Variants in PHACTR1 observed in about 807,000 individuals in gnomAD.
PHACTR1 encodes RPEL repeat containing 1.
Under a neutral mutation model 69.2 loss-of-function variants are expected in PHACTR1, and 16 were observed. The ratio of observed to expected loss-of-function variants is 0.23; its 90% CI spans 0.16 to 0.35. The LOEUF is 0.35. PHACTR1 is among the 10% of genes least tolerant of loss of function. PHACTR1 has a pLI of 1.00. For missense variants in PHACTR1, 510 were observed against 734.7 expected, an observed-to-expected ratio of 0.69 and a Z score of 3.54; for synonymous variants, 312 against 284.5, an observed-to-expected ratio of 1.10 and a Z score of -0.97.
intron 4 of PHACTR1, among the ~76,000 whole-genome samples, chr6:12,849,695 A>C (rs1480878890): frequency 6.6e-6 from 1 of 152,198 alleles, no homozygotes; most frequent in African/African-American, 2.4e-5. Context: ...GTCATAAACC[A>C]TCATCTGTGC....
At chr6:13,124,529 A>G (rs915097456) in intron 5 of PHACTR1, among the ~76,000 whole-genome samples, 1 of 152,172 alleles carries the variant, frequency 6.6e-6, no homozygotes, top group African/African-American at 2.4e-5. Flanking sequence ...GGCCACTAAG[A>G]CAGTTCAAAA....
chr6:13,194,401 CAAAAA>C (rs1297859837), intron 7 of PHACTR1, among the ~76,000 whole-genome samples: 4 of 99,688 alleles, frequency 4.0e-5, no homozygotes, highest in African/African-American at 1.4e-4. Context: ...GACTCCGTCT[CAAAAA>C]AAAAAAAAAA....
intron 4 of PHACTR1, among the ~76,000 whole-genome samples, chr6:12,842,099 T>A (rs1275761113): frequency 1.3e-5 from 2 of 152,074 alleles, no homozygotes; most frequent in Non-Finnish European, 2.9e-5. Flanking sequence ...ATAAAATAAA[T>A]AAAAATAAAT....
intron 4 of PHACTR1, among the ~76,000 whole-genome samples, chr6:12,887,362 GC>G (rs1428424740): frequency 3.9e-5 from 6 of 152,192 alleles, no homozygotes; most frequent in Admixed American, 3.9e-4. Flanking sequence ...GCAGCTTTCT[GC>G]TGAGTCCTTA....
chr6:12,758,389 C>G (rs1009873219), intron 4 of PHACTR1, among the ~76,000 whole-genome samples: 1 of 149,080 alleles, frequency 6.7e-6, no homozygotes, highest in African/African-American at 2.5e-5. Flanking sequence ...TGAGCAGAGA[C>G]CATGTGAGCA....
intron 10 of PHACTR1, among the ~76,000 whole-genome samples, chr6:13,258,871 T>C (rs1353957487): frequency 6.6e-6 from 1 of 152,248 alleles, no homozygotes; most frequent in Admixed American, 6.5e-5. Context: ...TGGTCTATAT[T>C]TGATGGCAGA....
At chr6:12,921,587 A>C (rs1423983548) in intron 4 of PHACTR1, among the ~76,000 whole-genome samples, 1 of 101,798 alleles carries the variant, frequency 9.8e-6, no homozygotes, top group Non-Finnish European at 1.9e-5. Context: ...AAGGAGAAGA[A>C]GGAAGGGAGG....
At chr6:13,081,134 A>G (rs1811310054) in intron 5 of PHACTR1, among the ~76,000 whole-genome samples, 1 of 152,206 alleles carries the variant, frequency 6.6e-6, no homozygotes, top group African/African-American at 2.4e-5. Context: ...CCAAAAGTTG[A>G]AAAATAAAAC....
chr6:12,825,316 C>CAAA (rs71552719), intron 4 of PHACTR1, among the ~76,000 whole-genome samples: 3 of 131,280 alleles, frequency 2.3e-5, no homozygotes, highest in African/African-American at 8.4e-5. Context: ...CTCTCTCTCT[C>CAAA]AAAAAAAAAA....
At chr6:13,122,948 AT>A (rs1583457415) in intron 5 of PHACTR1, among the ~76,000 whole-genome samples, 2 of 151,334 alleles carry the variant, frequency 1.3e-5, no homozygotes, top group Admixed American at 1.3e-4. Context: ...TGTTTCTTTC[AT>A]TTTGTTTAAT....
intron 4 of PHACTR1, among the ~76,000 whole-genome samples, chr6:12,960,633 C>T (rs1792592024): frequency 6.6e-6 from 1 of 152,172 alleles, no homozygotes; most frequent in Admixed American, 6.5e-5. Flanking sequence ...CCCTTGTCTC[C>T]GGACAGCCCC....
At chr6:13,145,287 A>G (rs1180015008) in intron 5 of PHACTR1, among the ~76,000 whole-genome samples, 1 of 152,366 alleles carries the variant, frequency 6.6e-6, no homozygotes, top group Non-Finnish European at 1.5e-5. Context: ...TCATATATGT[A>G]TACAAGAAGA....
intron 4 of PHACTR1, among the ~76,000 whole-genome samples, chr6:12,852,317 C>T (rs1218602732): frequency 2.6e-5 from 4 of 152,136 alleles, no homozygotes; most frequent in Non-Finnish European, 5.9e-5. Context: ...ACACATCTAA[C>T]AACAGAAAAC....
At chr6:13,129,323 G>A (rs575595385) in intron 5 of PHACTR1, among the ~76,000 whole-genome samples, 80 of 152,120 alleles carry the variant, frequency 5.3e-4, no homozygotes, top group African/African-American at 1.9e-3. Context: ...TACTAACATC[G>A]AATGTAAATG....
chr6:13,273,084 AAAG>A, intron 11 of PHACTR1, 169 bp downstream of exon 11: 3 of 970,066 alleles, frequency 3.1e-6, no homozygotes, highest in Non-Finnish European at 4.5e-6. Context: ...CGACCTCCCC[AAAG>A]AGAAGGCAAA....
chr6:13,190,198 A>ATTTTTTTTTTTTTTTTTTTTTTTTT (rs1215055032), intron 7 of PHACTR1, among the ~76,000 whole-genome samples: 1 of 87,266 alleles, frequency 1.1e-5, no homozygotes, highest in African/African-American at 4.7e-5. Context: ...TAATTTTTGT[A>ATTTTTTTTTTTTTTTTTTTTTTTTT]TTTTTTTTTT....
chr6:13,205,167 C>G (rs1316660551), intron 7 of PHACTR1, among the ~76,000 whole-genome samples: 1 of 152,060 alleles, frequency 6.6e-6, no homozygotes, highest in East Asian at 1.9e-4. Context: ...CTGGTGTGTG[C>G]AGAGAGCACA....
intron 14 of PHACTR1, 26 bp downstream of exon 14, chr6:13,286,248 CT>C: frequency 9.3e-6 from 14 of 1,511,180 alleles, no homozygotes; most frequent in Admixed American, 7.1e-5. Context: ...TTTTTTTTTC[CT>C]TTTTTTCCCT....
chr6:12,918,446 A>G (rs1368660091), intron 4 of PHACTR1, among the ~76,000 whole-genome samples: 1 of 152,234 alleles, frequency 6.6e-6, no homozygotes, highest in African/African-American at 2.4e-5. Flanking sequence ...CTACCTAGTG[A>G]AAGGACTTGA....
Sources: gnomAD v4.1 joint callset for allele counts (sites outside exome capture counted in the v4.1 genomes callset) on GRCh38, gnomAD v4.1.1 for gene constraint, MANE v1.5 for transcripts, NCBI Gene and HGNC (gene_info 2026-07-23, HGNC 2026-07-21) for gene names.